The following CTSH variants were observed in gnomAD, a reference collection of about 807,000 sequenced individuals.
CTSH encodes cathepsin H, also known as pro-cathepsin H.
In CTSH, 52 loss-of-function variants were observed where a neutral mutation model predicts 56.3. The observed-to-expected ratio is 0.92, with a 90% CI of 0.74 to 1.16. The LOEUF (loss-of-function observed/expected upper bound fraction) is 1.16. CTSH is among the 50% of genes most tolerant of loss of function. The probability of loss-of-function intolerance (pLI) is 0.00; values close to 1 mark genes in which losing one functional copy is unlikely to be tolerated. For synonymous variants in CTSH, 174 were observed against 155.7 expected (o/e 1.12, Z -0.88); for missense variants, 406 against 424.5 (o/e 0.96, Z 0.38).
chr15:78,933,092 C>T (rs1373421466), intron 5 of CTSH, among the ~76,000 whole-genome samples: 2 of 152,212 alleles, frequency 1.3e-5, no homozygotes, highest in African/African-American at 4.8e-5. Context: ...CCCGCCCCAT[C>T]CACCCATTTC....
At position 78,921,879 on chromosome 15, in the gene CTSH, C is replaced by A; in HGVS notation, c.*251G>T. On this transcript the variant is annotated 3_prime_UTR_variant, in exon 12 of 12. Transcript: ENST00000220166. The stretch of plus-strand genomic sequence containing the variant: ...TCTGGACAGAAAGAATATTCGTGGT[C>A]CATGTGGTTTGAGTCTGTTAAGAAG... The A allele has an allele frequency of 1.9e-6, 1 of 526,854 alleles. No homozygotes were observed. Among genetic ancestry groups the A allele is most frequent in the Non-Finnish European group, 3.4e-6 (1 of 295,502 alleles). The allele number at this position is 526,854 out of a possible 1,614,324, so 32.6% of individuals were successfully genotyped here.
chr15:78,932,853 T>A (rs947700822), intron 5 of CTSH, among the ~76,000 whole-genome samples: 2 of 152,162 alleles, frequency 1.3e-5, no homozygotes, highest in African/African-American at 4.8e-5. Context: ...TCCTTCTCGA[T>A]CTTCACTGGC....
intron 6 of CTSH, 51 bp downstream of exon 6, chr15:78,932,321 C>T (rs747417195): frequency 6.5e-7 from 1 of 1,536,456 alleles, no homozygotes; most frequent in Non-Finnish European, 9.0e-7. Context: ...GCCTGGCCCA[C>T]ATCAGGATGG....
In CTSH at chr15:78,925,423, C is replaced by T. The variant is rs2054882646; in HGVS notation, c.717G>A (p.Met239Ile). ...GGTTGTAGAGGGCCACAGCCTCCAC[C>T]ATCGCTTCCTCGTCATACTGTGGAA... ...ANITIYDEEA[M>I]VEAVALYNPV... The change falls in exon 10 of 12, where the codon ATG (methionine) becomes ATA (isoleucine). Residue 239 changes from methionine to isoleucine, a missense_variant. Transcript: ENST00000220166. 6.2e-7 allele frequency: 1 copy of T among 1,613,424 alleles called. No homozygotes were observed. Among genetic ancestry groups the T allele is most frequent in the African/African-American group, 1.3e-5 (1 of 74,940 alleles).
chr15:78,938,368 C>CA (rs34359724), intron 2 of CTSH, among the ~76,000 whole-genome samples: 21,835 of 144,638 alleles, frequency 0.15, 1,678 homozygotes, highest in African/African-American at 0.21. Context: ...GACTCTGTCT[C>CA]AAAAAAAAAA....
At position 78,929,391 on chromosome 15, in the gene CTSH, A is replaced by AGT. The variant is rs780265430; in HGVS notation, c.630+19_630+20dup. On this transcript the variant is annotated intron_variant, in intron 8 of 11. Transcript: ENST00000220166. ...GGCATGCTGTACGCCAAGAAGACAG[A>AGT]GTGGAGGCTGTTGGAGTTACCTTGC... is the stretch of plus-strand genomic sequence containing the variant. 928 of 1,593,048 alleles carry AGT rather than the reference A, an allele frequency of 5.8e-4. 2 individuals carry two copies. The Middle Eastern group carries it at 8.5e-3, about 15-fold the overall frequency.
intron 8 of CTSH, among the ~76,000 whole-genome samples, chr15:78,928,191 G>C (rs74995238): frequency 1.3e-5 from 2 of 152,056 alleles, no homozygotes; most frequent in African/African-American, 2.4e-5. Context: ...AGAGAAGGCA[G>C]CAGGACAAGG....
chr15:78,928,592 AGGG>A (rs2054973832), intron 8 of CTSH, among the ~76,000 whole-genome samples: 4 of 143,588 alleles, frequency 2.8e-5, no homozygotes, highest in African/African-American at 7.9e-5. Context: ...AAAAAAAAGA[AGGG>A]AGAGTAAAAG....
intron 2 of CTSH, chr15:78,937,954 A>C (rs1293797030): frequency 2.2e-6 from 1 of 447,600 alleles, no homozygotes; most frequent in Non-Finnish European, 3.6e-6. Context: ...CATTACTTTA[A>C]AAATTTCTTT....
intron 6 of CTSH, among the ~76,000 whole-genome samples, 171 bp downstream of exon 6, chr15:78,932,200 CG>C (rs1306008005): frequency 6.6e-6 from 1 of 152,142 alleles, no homozygotes; most frequent in Non-Finnish European, 1.5e-5. Flanking sequence ...AGATCCTTCC[CG>C]GGAAAAGCAT....
chr15:78,931,355 G>C (rs1375646004), intron 7 of CTSH, 96 bp downstream of exon 7: 9 of 1,518,486 alleles, frequency 5.9e-6, no homozygotes, highest in Non-Finnish European at 8.2e-6. Context: ...GGCAGTGGTG[G>C]GTTATATCTG....
At chr15:78,925,084 G>A (rs981682949) in intron 10 of CTSH, among the ~76,000 whole-genome samples, 1 of 152,204 alleles carries the variant, frequency 6.6e-6, no homozygotes. Context: ...CACTAGCCAG[G>A]TGGCCTGTGT....
At chr15:78,935,484 C>T (rs761875450) in intron 4 of CTSH, among the ~76,000 whole-genome samples, 196 bp downstream of exon 4, 1 of 152,148 alleles carries the variant, frequency 6.6e-6, no homozygotes, top group Non-Finnish European at 1.5e-5. Flanking sequence ...GTTAAGGGTC[C>T]ACAATGCTAA....
chr15:78,938,044 T>C (rs1247036732), intron 2 of CTSH, among the ~76,000 whole-genome samples: 2 of 151,090 alleles, frequency 1.3e-5, no homozygotes, highest in Non-Finnish European at 2.9e-5. Flanking sequence ...TTGAATCTAC[T>C]TGTTTTTTGA....
chr15:78,930,268 G>A (rs1302935215), intron 7 of CTSH, among the ~76,000 whole-genome samples: 1 of 152,220 alleles, frequency 6.6e-6, no homozygotes, highest in East Asian at 1.9e-4. Flanking sequence ...GCTCACACCT[G>A]TAATCCCAGC....
intron 7 of CTSH, among the ~76,000 whole-genome samples, chr15:78,930,187 G>C (rs73470391): frequency 0.05 from 7,625 of 152,284 alleles, 664 homozygotes; most frequent in African/African-American, 0.17. Flanking sequence ...TTTGTTGTAT[G>C]AATGAGAAAA....
intron 1 of CTSH, among the ~76,000 whole-genome samples, chr15:78,940,624 G>T (rs1567379219): frequency 6.6e-6 from 1 of 152,064 alleles, no homozygotes; most frequent in East Asian, 1.9e-4. Context: ...ATGATGATTT[G>T]ATATCCACCA....
intron 11 of CTSH, 129 bp from the exon 12 acceptor site, chr15:78,922,334 C>T (rs2054788625): frequency 2.8e-6 from 2 of 722,220 alleles, no homozygotes; most frequent in Non-Finnish European, 2.4e-6. Context: ...AAAACAGTAG[C>T]ATTCGGCTTA....
At chr15:78,923,385 G>A (rs752160557) in intron 10 of CTSH, among the ~76,000 whole-genome samples, 1 of 152,186 alleles carries the variant, frequency 6.6e-6, no homozygotes, top group Non-Finnish European at 1.5e-5. Flanking sequence ...CACCTCCAGG[G>A]TTCAAACGAT....
Sources: allele counts gnomAD v4.1 joint callset (sites outside exome capture counted in the v4.1 genomes callset), GRCh38; gene constraint gnomAD v4.1.1; transcripts MANE v1.5; gene names NCBI Gene and HGNC (gene_info 2026-07-23, HGNC 2026-07-21).